The following NXPE2 variants were observed in gnomAD, a reference collection of about 807,000 sequenced individuals.
NXPE2 encodes the protein NXPE family member 2.
In NXPE2, 34 loss-of-function variants were observed where a neutral mutation model predicts 34.4. The ratio of observed to expected loss-of-function variants is 0.99; its 90% CI spans 0.75 to 1.31. NXPE2 has a LOEUF of 1.31. Ranked by LOEUF, NXPE2 falls within the 40% of genes most tolerant of loss-of-function variation. NXPE2 has a pLI of 0.00. For missense variants in NXPE2, 649 were observed against 672.5 expected, an observed-to-expected ratio of 0.97 and a Z score of 0.39; for synonymous variants, 235 against 231.3, an observed-to-expected ratio of 1.02 and a Z score of -0.15.
the NXPE2 span, among the ~76,000 whole-genome samples, chr11:114,775,880 G>A: frequency 0.18 from 25,909 of 144,068 alleles, 2,873 homozygotes; most frequent in East Asian, 0.54. Context: ...ACAAAAAAAC[G>A]AAAAAAAAAA....
At chr11:114,498,090 T>C in the NXPE2 span, among the ~76,000 whole-genome samples, 1 of 152,094 alleles carries the variant, frequency 6.6e-6, no homozygotes, top group Non-Finnish European at 1.5e-5. Context: ...TTGAGATCTA[T>C]GTATATCTAT....
the NXPE2 span, among the ~76,000 whole-genome samples, chr11:114,799,190 A>AAGTT: frequency 1.3e-5 from 2 of 151,954 alleles, no homozygotes; most frequent in Non-Finnish European, 2.9e-5. Context: ...AAGAGAAAAT[A>AAGTT]AGTTAGTCTA....
the NXPE2 span, among the ~76,000 whole-genome samples, chr11:114,723,307 G>A: frequency 3.3e-5 from 5 of 152,168 alleles, no homozygotes; most frequent in East Asian, 7.7e-4. Context: ...AAGAGTGAAG[G>A]AAATTAGAAG....
chr11:114,588,125 C>T, the NXPE2 span, among the ~76,000 whole-genome samples: 1 of 152,104 alleles, frequency 6.6e-6, no homozygotes, highest in African/African-American at 2.4e-5. Context: ...ACTAGAGAAG[C>T]AACCTCCAGG....
chr11:114,769,632 TA>T, the NXPE2 span, among the ~76,000 whole-genome samples: 1 of 151,974 alleles, frequency 6.6e-6, no homozygotes, highest in Non-Finnish European at 1.5e-5. Flanking sequence ...TATGCAGCCA[TA>T]AAAAAGGATG....
the NXPE2 span, among the ~76,000 whole-genome samples, chr11:114,810,925 C>T: frequency 6.6e-6 from 1 of 152,082 alleles, no homozygotes; most frequent in South Asian, 2.1e-4. Flanking sequence ...ATAGCAAAGA[C>T]TTGGAACTGA....
the NXPE2 span, among the ~76,000 whole-genome samples, chr11:114,799,177 GAGA>G: frequency 6.6e-6 from 1 of 151,330 alleles, no homozygotes; most frequent in Non-Finnish European, 1.5e-5. Context: ...CCTATTGATA[GAGA>G]AGAGAAAATA....
At chr11:114,614,874 G>A in the NXPE2 span, among the ~76,000 whole-genome samples, 1 of 151,856 alleles carries the variant, frequency 6.6e-6, no homozygotes, top group Non-Finnish European at 1.5e-5. Context: ...CTGTTTCCCA[G>A]TGTATAATAG....
chr11:114,538,800 A>C, the NXPE2 span, among the ~76,000 whole-genome samples: 2 of 152,102 alleles, frequency 1.3e-5, no homozygotes, highest in Non-Finnish European at 1.5e-5. Flanking sequence ...GCTGGAGAGG[A>C]TGTGGAGAAA....
intron 3 of NXPE2, among the ~76,000 whole-genome samples, chr11:114,703,071 G>A (rs1951396305): frequency 6.6e-6 from 1 of 152,128 alleles, no homozygotes; most frequent in Admixed American, 6.5e-5. Flanking sequence ...GCTGGCACTC[G>A]AAATATTATA....
chr11:114,532,899 T>G, the NXPE2 span, among the ~76,000 whole-genome samples: 7 of 152,166 alleles, frequency 4.6e-5, no homozygotes, highest in Non-Finnish European at 7.3e-5. Flanking sequence ...TCTCATGATT[T>G]TTCACTGTTC....
the NXPE2 span, among the ~76,000 whole-genome samples, chr11:114,731,584 C>T: frequency 3.3e-5 from 5 of 152,212 alleles, no homozygotes; most frequent in African/African-American, 7.2e-5. Flanking sequence ...TTGAATAAAT[C>T]GCAAGAGGAT....
the NXPE2 span, among the ~76,000 whole-genome samples, chr11:114,629,793 T>G: frequency 6.6e-6 from 1 of 150,738 alleles, no homozygotes. Context: ...GCCCAAAATC[T>G]CCTCAAGCTG....
the NXPE2 span, among the ~76,000 whole-genome samples, chr11:114,626,684 T>A: frequency 1.9e-3 from 286 of 152,052 alleles, 2 homozygotes; most frequent in African/African-American, 5.5e-3. Flanking sequence ...ATGACTTTGA[T>A]GAGCTGAGAG....
At chr11:114,483,281 GC>G in the NXPE2 span, among the ~76,000 whole-genome samples, 2 of 152,164 alleles carry the variant, frequency 1.3e-5, no homozygotes, top group African/African-American at 4.8e-5. Context: ...GACTCTTTAA[GC>G]ATCTGAAAAA....
chr11:114,673,210 A>G, the NXPE2 span, among the ~76,000 whole-genome samples: 1 of 151,424 alleles, frequency 6.6e-6, no homozygotes, highest in African/African-American at 2.4e-5. Context: ...AAATTAAACA[A>G]CACACTACTA....
chr11:114,571,330 A>G, the NXPE2 span: 1 of 1,613,974 alleles, frequency 6.2e-7, no homozygotes, highest in South Asian at 1.1e-5. Context: ...CGGGTGAGGT[A>G]CTCCATCTCT....
the NXPE2 span, among the ~76,000 whole-genome samples, chr11:114,579,747 G>GT: frequency 6.6e-6 from 1 of 152,198 alleles, no homozygotes; most frequent in Non-Finnish European, 1.5e-5. Context: ...CAGATAGGAG[G>GT]TAGAGAAGTC....
At chr11:114,614,266 G>C in the NXPE2 span, among the ~76,000 whole-genome samples, 1 of 151,876 alleles carries the variant, frequency 6.6e-6, no homozygotes, top group African/African-American at 2.4e-5. Flanking sequence ...AGTAAGTATT[G>C]CTTCATGGGT....
Sources: gnomAD v4.1 joint callset for allele counts (sites outside exome capture counted in the v4.1 genomes callset) on GRCh38, gnomAD v4.1.1 for gene constraint, MANE v1.5 for transcripts, NCBI Gene and HGNC (gene_info 2026-07-23, HGNC 2026-07-21) for gene names.